The following CC2D2A variants were observed in gnomAD, a reference collection of about 807,000 sequenced individuals.
The protein encoded by CC2D2A is coiled-coil and C2 domain-containing protein 2A.
Under a neutral mutation model 212.9 loss-of-function variants are expected in CC2D2A, and 155 were observed. The ratio of observed to expected loss-of-function variants is 0.73; its 90% CI spans 0.64 to 0.83. The LOEUF (loss-of-function observed/expected upper bound fraction) is 0.83, where lower values mean the gene tolerates loss of function less well. CC2D2A is among the 40% of genes least tolerant of loss of function. The pLI, the probability that CC2D2A is intolerant of heterozygous loss-of-function variation, is 0.00. For missense variants in CC2D2A, 1,856 were observed against 1,956.2 expected (o/e 0.95, Z 0.97); for synonymous variants, 667 against 686.5 (o/e 0.97, Z 0.44).
intron 30 of CC2D2A, among the ~76,000 whole-genome samples, chr4:15,580,531 G>A (rs1235182499): frequency 1.3e-5 from 2 of 151,628 alleles, no homozygotes; most frequent in Non-Finnish European, 2.9e-5. Flanking sequence ...CCAGCTACTC[G>A]GGAGGCTGAG....
chr4:15,504,755 G>C (rs1421127398), intron 6 of CC2D2A, among the ~76,000 whole-genome samples: 1 of 152,056 alleles, frequency 6.6e-6, no homozygotes, highest in Non-Finnish European at 1.5e-5. Flanking sequence ...TTACAGTATT[G>C]AGGCAAACAT....
chr4:15,524,290 A>T (rs1190331915), intron 11 of CC2D2A, among the ~76,000 whole-genome samples: 1 of 149,694 alleles, frequency 6.7e-6, no homozygotes, highest in East Asian at 2.0e-4. Flanking sequence ...CCGCCACCAA[A>T]CCCGGCTAAC....
chr4:15,553,474 C>G (rs555357815), intron 19 of CC2D2A, among the ~76,000 whole-genome samples, 169 bp downstream of exon 19: 1 of 152,114 alleles, frequency 6.6e-6, no homozygotes, highest in Non-Finnish European at 1.5e-5. Flanking sequence ...TTATAATAAC[C>G]TCTAGTCCAA....
At chr4:15,576,349 T>C (rs1720406938) in intron 29 of CC2D2A, 4 of 983,420 alleles carry the variant, frequency 4.1e-6, no homozygotes, top group Non-Finnish European at 4.8e-6. Flanking sequence ...GGAATTGTTT[T>C]TCCACTTACA....
At chr4:15,597,684 T>G (rs994767945) in intron 35 of CC2D2A, among the ~76,000 whole-genome samples, 1 of 152,214 alleles carries the variant, frequency 6.6e-6, no homozygotes, top group South Asian at 2.1e-4. Flanking sequence ...GGAACACCAG[T>G]AATACGTACT....
intron 19 of CC2D2A, among the ~76,000 whole-genome samples, chr4:15,554,305 C>A (rs553031090): frequency 6.6e-6 from 1 of 152,334 alleles, no homozygotes; most frequent in Admixed American, 6.5e-5. Context: ...AAAGCCCCAG[C>A]TCAACCTTGC....
intron 1 of CC2D2A, among the ~76,000 whole-genome samples, chr4:15,471,384 A>C (rs1713803697): frequency 7.3e-6 from 1 of 136,458 alleles, no homozygotes; most frequent in Non-Finnish European, 1.7e-5. Context: ...TTGGAGCTGA[A>C]GGTGGGTGGG....
At chr4:15,586,092 G>A in intron 30 of CC2D2A, 65 bp from the exon 31 acceptor site, 1 of 1,061,232 alleles carries the variant, frequency 9.4e-7, no homozygotes, top group East Asian at 2.4e-5. Flanking sequence ...TAAGAAATGA[G>A]GTAGGGGATG....
chr4:15,575,642 T>A (rs1720372493), intron 29 of CC2D2A, among the ~76,000 whole-genome samples: 1 of 152,222 alleles, frequency 6.6e-6, no homozygotes, highest in Non-Finnish European at 1.5e-5. Context: ...CTATCTCCCA[T>A]CTGCAATGCA....
intron 29 of CC2D2A, among the ~76,000 whole-genome samples, chr4:15,579,676 A>G (rs895425173): frequency 6.6e-6 from 1 of 152,226 alleles, no homozygotes; most frequent in Non-Finnish European, 1.5e-5. Context: ...GAATTAGTAC[A>G]TCACAGTTTA....
At position 15,553,298 on chromosome 4, in the gene CC2D2A, T is replaced by C; in HGVS notation, c.2479T>C (p.Phe827Leu). The C allele has an allele frequency of 6.2e-7, 1 of 1,612,360 alleles. No homozygotes were observed. The highest frequency in any genetic ancestry group is 8.5e-7 in the Non-Finnish European group (1 of 1,179,310). ...TCCATTGTCACAGCAGAACATCGGA[T>C]TTCGGAGGTAATACATGGCAAGAGT... The part of the protein sequence containing the change: ...IPPLSQQNIG[F>L]RSALKKADAI... The change falls in exon 19 of 37, where the codon TTT becomes CTT. Residue 827 changes from phenylalanine (F) to leucine (L), a missense_variant. This residue lies in a region of CC2D2A where 1,512 missense variants were observed against 1,579.3 expected (regional missense o/e 0.96). Transcript: ENST00000424120.
At chr4:15,558,151 T>A (rs1210967585) in intron 21 of CC2D2A, among the ~76,000 whole-genome samples, 1 of 152,012 alleles carries the variant, frequency 6.6e-6, no homozygotes, top group Non-Finnish European at 1.5e-5. Flanking sequence ...TGCATGCACT[T>A]TTTTTTTCTT....
intron 30 of CC2D2A, among the ~76,000 whole-genome samples, chr4:15,581,577 T>C (rs1472204038): frequency 1.3e-5 from 2 of 152,098 alleles, no homozygotes; most frequent in Admixed American, 6.6e-5. Context: ...AAATGCAGAG[T>C]TGGGACTCTT....
intron 3 of CC2D2A, 117 bp downstream of exon 3, chr4:15,478,923 G>A (rs1714425622): frequency 1.2e-6 from 1 of 869,266 alleles, no homozygotes; most frequent in Admixed American, 2.2e-5. Context: ...ACCAACTTTT[G>A]GCCTGCTCTG....
intron 26 of CC2D2A, among the ~76,000 whole-genome samples, chr4:15,568,548 A>G (rs932555632): frequency 6.6e-6 from 1 of 152,234 alleles, no homozygotes; most frequent in Admixed American, 6.5e-5. Flanking sequence ...AGATCACGCC[A>G]CTGCACTCCA....
Position 15,553,292 on chromosome 4 carries a change from A to G in CC2D2A, c.2473A>G (p.Ile825Val), listed in dbSNP as rs1460535009. The change falls in exon 19 of 37, where the codon ATC becomes GTC. Residue 825 changes from isoleucine (I) to valine (V), a missense_variant. Transcript: ENST00000424120. ...PLIPPLSQQN[I>V]GFRSALKKAD... ...AATTCCTCCATTGTCACAGCAGAAC[A>G]TCGGATTTCGGAGGTAATACATGGC... 7 of 1,612,702 alleles carry G rather than the reference A, an allele frequency of 4.3e-6. No individual in the cohort carries two copies. Among genetic ancestry groups the G allele is most frequent in the African/African-American group, 1.3e-5 (1 of 74,870 alleles).
At chr4:15,527,365 C>A (rs769372884) in intron 11 of CC2D2A, 82 bp from the exon 12 acceptor site, 1 of 1,023,166 alleles carries the variant, frequency 9.8e-7, no homozygotes, top group South Asian at 1.6e-5. Context: ...TGCATCTGAC[C>A]GTTTTCCCAT....
At chr4:15,533,498 C>T (rs1717963566) in intron 14 of CC2D2A, 165 bp downstream of exon 14, 1 of 474,610 alleles carries the variant, frequency 2.1e-6, no homozygotes, top group South Asian at 3.8e-5. Flanking sequence ...TCCCAAATAA[C>T]ATTCTCCTCA....
intron 11 of CC2D2A, among the ~76,000 whole-genome samples, chr4:15,518,111 A>T (rs551975098): frequency 1.3e-5 from 2 of 152,164 alleles, no homozygotes; most frequent in Admixed American, 1.3e-4. Context: ...CCCCTCCCAA[A>T]TCTGTCCTCA....
Sources: allele counts gnomAD v4.1 joint callset (sites outside exome capture counted in the v4.1 genomes callset), GRCh38; gene constraint gnomAD v4.1.1; regional missense constraint gnomAD v4.1.1; transcripts MANE v1.5; gene names NCBI Gene and HGNC (gene_info 2026-07-23, HGNC 2026-07-21).